Variants in COL11A2 observed in about 807,000 individuals in gnomAD.
The protein encoded by COL11A2 is collagen type XI alpha 2 chain, also known as collagen alpha-2(XI) chain.
Under a neutral mutation model 273.4 loss-of-function variants are expected in COL11A2, and 116 were observed. The ratio of observed to expected loss-of-function variants is 0.42; its 90% CI spans 0.36 to 0.49. The LOEUF is 0.49. COL11A2 is among the 20% of genes least tolerant of loss of function. The pLI is 0.00. For synonymous variants in COL11A2, 782 were observed against 864.2 expected, an observed-to-expected ratio of 0.90 and a Z score of 1.67; for missense variants, 1,866 against 2,309.0, an observed-to-expected ratio of 0.81 and a Z score of 3.93.
Position 33,163,269 on chromosome 6 carries a change from C to T in COL11A2, c.*409G>A, listed in dbSNP as rs1013194099. ...CGGAGCCCACCCCCGAGACCCCTGT[C>T]TTCAACATCTGCTGATTTTTGTTGG... On this transcript the variant is annotated 3_prime_UTR_variant, in exon 66 of 66. Coordinates refer to ENST00000341947, the MANE Select transcript of COL11A2 (RefSeq NM_080680.3). This position sits in a 1 kb window ranked among gnomAD's most constrained non-coding sequence, Gnocchi z 4.1. 4.4e-6 allele frequency: 1 copy of T among 228,706 alleles called. No homozygotes were observed. Among genetic ancestry groups the T allele is most frequent in the African/African-American group, 2.3e-5 (1 of 43,828 alleles). 14.2% of individuals were successfully genotyped at this position (228,706 alleles called of 1,614,324 possible). A position where few individuals can be genotyped will look rare whatever the true frequency, so the allele number is the denominator to read the frequency against.
chr6:33,169,308 T>G lies in COL11A2; in HGVS notation c.3798+75A>C. ...GCTCCCCACACTCCAAGATCCTCCC[T>G]CACACACACCCATATTCCCAGGTCT... On this transcript the variant is annotated intron_variant, in intron 51 of 65. Transcript: ENST00000341947. The surrounding 1 kb of genome is among the most constrained non-coding windows in gnomAD (Gnocchi z 5.5). 7.3e-7 allele frequency: 1 copy of G among 1,362,404 alleles called. No homozygotes were observed. The highest frequency in any genetic ancestry group is 1.2e-5 in the South Asian group (1 of 83,236). 84.4% of individuals were successfully genotyped at this position (1,362,404 alleles called of 1,614,324 possible). A position where few individuals can be genotyped will look rare whatever the true frequency, so the allele number is the denominator to read the frequency against.
chr6:33,166,547 C>T lies in COL11A2; in HGVS notation c.4358G>A (p.Gly1453Asp). The T allele has an allele frequency of 6.2e-7, 1 of 1,613,812 alleles. No individual in the cohort carries two copies. The highest frequency in any genetic ancestry group is 8.5e-7 in the Non-Finnish European group (1 of 1,179,862). ...KGEMGIPGAS[G>D]PIGPGGPPGL... ...GGGGGGACCTCCAGGACCAATGGGG[C>T]CGGATGCTCCTGGGATACCCTAGGA... Residue 1453 changes from glycine (G) to aspartate (D), a missense_variant, in exon 60 of 66, where the codon GGC (glycine) becomes GAC (aspartate). Physicochemically the swap from Gly to Asp is moderately conservative, Grantham distance 94. Transcript: ENST00000341947. The surrounding 1 kb of genome is among the most constrained non-coding windows in gnomAD (Gnocchi z 4.8).
chr6:33,188,276 A>T (rs1772660207), intron 4 of COL11A2, 86 bp downstream of exon 4: 2 of 1,483,396 alleles, frequency 1.3e-6, no homozygotes, highest in Middle Eastern at 3.9e-4. Context: ...CCTAGGGAAT[A>T]GGAAGATGAC....
intron 54 of COL11A2, 73 bp downstream of exon 54, chr6:33,168,446 C>A: frequency 6.5e-7 from 1 of 1,533,338 alleles, no homozygotes; most frequent in Non-Finnish European, 9.0e-7. Flanking sequence ...CCCATCCCAC[C>A]TGCCATTGCC....
In COL11A2 at chr6:33,164,243, C is replaced by G; in HGVS notation, c.5070+24G>C. ...CCAGCCTGAGTCTGAGATCAGCCCC[C>G]AACCCAGCTCTTCCTGTTCCCACCT... On this transcript the variant is annotated intron_variant, in intron 65 of 65. Transcript: ENST00000341947. The surrounding 1 kb of genome is among the most constrained non-coding windows in gnomAD (Gnocchi z 4.7). 1 of 1,612,286 alleles carries G rather than the reference C, an allele frequency of 6.2e-7. No homozygotes were observed. Among genetic ancestry groups the G allele is most frequent in the Non-Finnish European group, 8.5e-7 (1 of 1,179,696 alleles).
chr6:33,180,947 G>T lies in COL11A2; in HGVS notation c.1221+17C>A, dbSNP rs1477234580. 2.5e-6 allele frequency: 4 copies of T among 1,613,738 alleles called. No homozygotes were observed. In the Admixed American group the frequency reaches 5.0e-5, roughly 20 times the overall value. ...TTTCTAAGAAAAGAATGGCCACCAGGTCACTGCTAGACTTACCGCAGGGCC... is the reference window on the plus strand; with the variant it reads ...TTTCTAAGAAAAGAATGGCCACCAGTTCACTGCTAGACTTACCGCAGGGCC... On this transcript the variant is annotated intron_variant, in intron 10 of 65. Coordinates refer to ENST00000341947, the MANE Select transcript of COL11A2 (RefSeq NM_080680.3).
rs1387329019 is a variant in COL11A2, at chr6:33,189,573, T to C, written c.83-104A>G. On this transcript the variant is annotated intron_variant, in intron 1 of 65. Coordinates refer to ENST00000341947, the MANE Select transcript of COL11A2 (RefSeq NM_080680.3). The surrounding 1 kb of genome is among the most constrained non-coding windows in gnomAD (Gnocchi z 5.6). ...TCAGCTTTCCAGGGCTCAAACTCCC[T>C]GCAAGGGAAAGGTCACCTCACCCTC... 26 of 1,470,652 alleles carry C rather than the reference T, an allele frequency of 1.8e-5. No individual in the cohort carries two copies. Among genetic ancestry groups the C allele is most frequent in the Non-Finnish European group, 2.4e-5 (26 of 1,073,386 alleles). 91.1% of individuals were successfully genotyped at this position (1,470,652 alleles called of 1,614,324 possible).
rs924707471 is a variant in COL11A2 at position 33,172,298 on chromosome 6, T to C, written c.2979A>G (p.Pro993=). 1.9e-6 allele frequency: 3 copies of C among 1,585,754 alleles called. No homozygotes were observed. Among genetic ancestry groups the C allele is most frequent in the East Asian group, 2.3e-5 (1 of 43,844 alleles). The part of the protein sequence containing the change: ...LRGFPGERGL[P]GTAGGPGLKG... ...TGGGAGTCACACTCACAGCAGTGCCTGGGAGGCCTCTCTCTCCTGGGAATC... is the reference window on the plus strand; with the variant it reads ...TGGGAGTCACACTCACAGCAGTGCCCGGGAGGCCTCTCTCTCCTGGGAATC... The change falls in exon 40 of 66, where the codon CCA becomes CCG. Residue 993 remains proline (P), a synonymous_variant. Coordinates refer to ENST00000341947, the MANE Select transcript of COL11A2 (RefSeq NM_080680.3).
In COL11A2 at chr6:33,163,673, C is replaced by T. The variant is rs750349897; in HGVS notation, c.*5G>A. The T allele has an allele frequency of 1.4e-5, 23 of 1,612,906 alleles. No homozygotes were observed. Among genetic ancestry groups the T allele is most frequent in the Middle Eastern group, 1.6e-4 (1 of 6,084 alleles). The stretch of plus-strand genomic sequence containing the variant: ...CCGAATGGACAGGATCAGACAGAGA[C>T]GGTCCTATCCCATGAAGCAGACAGG... On this transcript the variant is annotated 3_prime_UTR_variant, in exon 66 of 66. Transcript: ENST00000341947. This position sits in a 1 kb window ranked among gnomAD's most constrained non-coding sequence, Gnocchi z 4.1.
At position 33,176,827 on chromosome 6, in the gene COL11A2, T is replaced by A. The variant is rs1271398702; in HGVS notation, c.2071-62A>T. 6.3e-7 allele frequency: 1 copy of A among 1,578,292 alleles called. No homozygotes were observed. On this transcript the variant is annotated intron_variant, in intron 25 of 65. Coordinates refer to ENST00000341947, the MANE Select transcript of COL11A2 (RefSeq NM_080680.3). This position sits in a 1 kb window ranked among gnomAD's most constrained non-coding sequence, Gnocchi z 4.9. ...CTGTCACCCTCTCTGCACCCCTCCC[T>A]ACACTTCTTCCAACCCAAATTTCCT...
At position 33,176,080 on chromosome 6, in the gene COL11A2, T is replaced by C. The variant is rs557236389; in HGVS notation, c.2215-11A>G. On this transcript the variant is annotated splice_polypyrimidine_tract_variant and intron_variant, in intron 28 of 65. Coordinates refer to ENST00000341947, the MANE Select transcript of COL11A2 (RefSeq NM_080680.3). This position sits in a 1 kb window ranked among gnomAD's most constrained non-coding sequence, Gnocchi z 4.9. ...AAAGCCATCCTCACCCTGAGAAAGA[T>C]AGAGGTGAGAGGGCACCACAGATGA... is the stretch of plus-strand genomic sequence containing the variant. 1.9e-6 allele frequency: 3 copies of C among 1,612,824 alleles called. No homozygotes were observed. Among genetic ancestry groups the C allele is most frequent in the South Asian group, 1.1e-5 (1 of 91,070 alleles).
At position 33,190,651 on chromosome 6, in the gene COL11A2, A is replaced by C. The variant is rs1274789305; in HGVS notation, c.83-1182T>G. On this transcript the variant is annotated intron_variant, in intron 1 of 65. Transcript: ENST00000341947. This position sits in a 1 kb window ranked among gnomAD's most constrained non-coding sequence, Gnocchi z 4.5. Reference sequence around the variant, plus strand: ...GGGCAGGCAGAGAAAAGGCCCTTTGAGTCCAGGAGCCGGGAAACCACGGCC... The same window carrying C: ...GGGCAGGCAGAGAAAAGGCCCTTTGCGTCCAGGAGCCGGGAAACCACGGCC... Among the ~76,000 whole-genome samples, 1 of 152,092 alleles carries C rather than the reference A, an allele frequency of 6.6e-6. No homozygotes were observed. The highest frequency in any genetic ancestry group is 1.5e-5 in the Non-Finnish European group (1 of 68,010).
intron 9 of COL11A2, 51 bp downstream of exon 9, chr6:33,181,060 A>G: frequency 6.2e-7 from 1 of 1,614,040 alleles, no homozygotes; most frequent in Non-Finnish European, 8.5e-7. Context: ...ACTCAACCCC[A>G]CTTGCTTCTC....
chr6:33,170,775 C>T lies in COL11A2; in HGVS notation c.3474+35G>A. ...GGCAAAACATCACCCCATCCTGACC[C>T]CACCTCTCAGCCCCTGTCCTATCCC... On this transcript the variant is annotated intron_variant, in intron 46 of 65. Coordinates refer to ENST00000341947, the MANE Select transcript of COL11A2 (RefSeq NM_080680.3). This position sits in a 1 kb window ranked among gnomAD's most constrained non-coding sequence, Gnocchi z 4.3. 6.2e-7 allele frequency: 1 copy of T among 1,607,602 alleles called. No individual in the cohort carries two copies. Among genetic ancestry groups the T allele is most frequent in the Non-Finnish European group, 8.5e-7 (1 of 1,175,302 alleles).
rs373463428 is a variant in COL11A2 at position 33,176,008 on chromosome 6, C to T, written c.2268+8G>A. ...CGGAATTGGGGCCAGTGTGGGGTCT[C>T]TACTCACCCTGTCACCTTTCACGCC... On this transcript the variant is annotated splice_region_variant and intron_variant, in intron 29 of 65. Coordinates refer to ENST00000341947, the MANE Select transcript of COL11A2 (RefSeq NM_080680.3). This position sits in a 1 kb window ranked among gnomAD's most constrained non-coding sequence, Gnocchi z 4.9. 109 of 1,612,888 alleles carry T rather than the reference C, an allele frequency of 6.8e-5. 1 individual carries two copies. The highest frequency in any genetic ancestry group is 2.2e-4 in the Admixed American group (13 of 60,008).
Position 33,173,885 on chromosome 6 carries a change from C to A in COL11A2, c.2571G>T (p.Lys857Asn). Residue 857 changes from lysine (K) to asparagine (N), a missense_variant, in exon 34 of 66, where the codon AAG becomes AAT. Transcript: ENST00000341947. The surrounding 1 kb of genome is among the most constrained non-coding windows in gnomAD (Gnocchi z 6.3). ...GQRGPRGATG[K>N]SGAKGTSGGD... ...AGAGACCATTCACCTTAGCTCCAGA[C>A]TTCCCAGTGGCACCTCGGGGTCCCC... is the stretch of plus-strand genomic sequence containing the variant. 1 of 1,614,094 alleles carries A rather than the reference C, an allele frequency of 6.2e-7. No homozygotes were observed. The highest frequency in any genetic ancestry group is 8.5e-7 in the Non-Finnish European group (1 of 1,179,970).
intron 54 of COL11A2, among the ~76,000 whole-genome samples, chr6:33,168,305 G>A (rs1022530632): frequency 3.4e-5 from 5 of 145,462 alleles, no homozygotes; most frequent in East Asian, 2.0e-4. Context: ...ATGAGATACC[G>A]CATACCCTTA....
In COL11A2 at chr6:33,167,564, T is replaced by A. The variant is rs762703466; in HGVS notation, c.4015-31A>T. On this transcript the variant is annotated intron_variant, in intron 55 of 65. Transcript: ENST00000341947. This position sits in a 1 kb window ranked among gnomAD's most constrained non-coding sequence, Gnocchi z 6.1. ...ACACACACAAGGAATGTGTCCTGAA[T>A]GGCAGAGGAGTGGGGTGTGGGCAGG... 3 of 1,609,638 alleles carry A rather than the reference T, an allele frequency of 1.9e-6. No individual in the cohort carries two copies. Among genetic ancestry groups the A allele is most frequent in the Non-Finnish European group, 2.5e-6 (3 of 1,177,874 alleles).
Position 33,179,892 on chromosome 6 carries a change from C to T in COL11A2, c.1360-87G>A. The T allele has an allele frequency of 1.5e-6, 2 of 1,291,424 alleles. No homozygotes were observed. Among genetic ancestry groups the T allele is most frequent in the Non-Finnish European group, 2.2e-6 (2 of 901,360 alleles). 80.0% of individuals were successfully genotyped at this position (1,291,424 alleles called of 1,614,324 possible). A position where few individuals can be genotyped will look rare whatever the true frequency, so the allele number is the denominator to read the frequency against. On this transcript the variant is annotated intron_variant, in intron 12 of 65. Coordinates refer to ENST00000341947, the MANE Select transcript of COL11A2 (RefSeq NM_080680.3). This position sits in a 1 kb window ranked among gnomAD's most constrained non-coding sequence, Gnocchi z 6.4. ...AGAGGCTTTCTCCAGCGTTTCTGCC[C>T]CTTGCCCCAGGTTCTGCCCATCCAG... is the stretch of plus-strand genomic sequence containing the variant.
Sources: allele counts gnomAD v4.1 joint callset (sites outside exome capture counted in the v4.1 genomes callset), GRCh38; gene constraint gnomAD v4.1.1; non-coding constraint Gnocchi (gnomAD v3.1); transcripts MANE v1.5; gene names NCBI Gene and HGNC (gene_info 2026-07-23, HGNC 2026-07-21).